The following DNMBP variants were observed in gnomAD, a reference collection of about 807,000 sequenced individuals.
The protein encoded by DNMBP is dynamin binding protein, also known as dynamin-binding protein.
In DNMBP, 87 loss-of-function variants were observed where a neutral mutation model predicts 150.0. The observed-to-expected ratio is 0.58, with a 90% CI of 0.49 to 0.69. The LOEUF (loss-of-function observed/expected upper bound fraction) is 0.69, where lower values mean the gene tolerates loss of function less well. Among genes scored for constraint, DNMBP ranks in the 30% least tolerant of loss-of-function variants. The pLI, the probability that DNMBP is intolerant of heterozygous loss-of-function variation, is 0.00. For missense variants in DNMBP, 1,774 were observed against 1,949.0 expected (o/e 0.91, Z 1.69); for synonymous variants, 711 against 750.4 (o/e 0.95, Z 0.86).
intron 6 of DNMBP, among the ~76,000 whole-genome samples, chr10:99,904,209 C>G (rs1304884928): frequency 2.6e-5 from 4 of 152,026 alleles, no homozygotes; most frequent in Admixed American, 2.0e-4. Flanking sequence ...GAGCTGTGAT[C>G]ACACTGCTAC....
intron 1 of DNMBP, among the ~76,000 whole-genome samples, chr10:99,996,978 A>G (rs942956235): frequency 6.6e-6 from 1 of 152,052 alleles, no homozygotes; most frequent in Non-Finnish European, 1.5e-5. Flanking sequence ...AGCAAAAAGA[A>G]CAAGTAATTA....
In DNMBP at chr10:99,884,176, C is replaced by G. The variant is rs370574450; in HGVS notation, c.3832G>C (p.Ala1278Pro). 8.7e-6 allele frequency: 14 copies of G among 1,613,682 alleles called. No individual in the cohort carries two copies. The African/African-American group carries it at 1.6e-4, about 18-fold the overall frequency. Residue 1278 changes from alanine (A) to proline (P), a missense_variant, in exon 15 of 17, where the codon GCC (alanine) becomes CCC (proline). Coordinates refer to ENST00000324109, the MANE Select transcript of DNMBP (RefSeq NM_015221.4). Reference sequence around the variant, plus strand: ...GGGGGATACCTGGCCAGGAGGGAGGCCCGGAGTTCTTCTGACTGTAGCATG... The same window carrying G: ...GGGGGATACCTGGCCAGGAGGGAGGGCCGGAGTTCTTCTGACTGTAGCATG... ...SYMLQSEELR[A>P]SLLARYPPEK...
At chr10:100,001,587 T>C (rs1036068483) in intron 1 of DNMBP, among the ~76,000 whole-genome samples, 1 of 148,462 alleles carries the variant, frequency 6.7e-6, no homozygotes, top group Non-Finnish European at 1.5e-5. Flanking sequence ...AGTTTTTGTA[T>C]TTTTTGGTAG....
intron 4 of DNMBP, among the ~76,000 whole-genome samples, chr10:99,949,358 T>C (rs916187352): frequency 6.6e-6 from 1 of 152,202 alleles, no homozygotes; most frequent in Admixed American, 6.5e-5. Flanking sequence ...TTGATCAGAA[T>C]TAGATAAATG....
rs71009796 is a variant in DNMBP, at chr10:99,990,852, C to CATAT, written c.-10-18722_-10-18719dup. On this transcript the variant is annotated intron_variant, in intron 1 of 16. Transcript: ENST00000324109. Reference sequence around the variant, plus strand: ...ATATACATATACACACACACACACACATATATATATATATATATAGCTTTT... The same window carrying CATAT: ...ATATACATATACACACACACACACACATATATATATATATATATATATAGCTTTT... 1.2e-3 allele frequency among the ~76,000 whole-genome samples: 174 copies of CATAT among 144,796 alleles called. 1 individual carries two copies. Among genetic ancestry groups the CATAT allele is most frequent in the African/African-American group, 4.2e-3 (168 of 39,666 alleles). 95.0% of individuals were successfully genotyped at this position (144,796 alleles called of 152,430 possible). A position where few individuals can be genotyped will look rare whatever the true frequency, so the allele number is the denominator to read the frequency against.
chr10:99,975,279 C>A (rs1263890203), intron 1 of DNMBP, among the ~76,000 whole-genome samples: 1 of 151,878 alleles, frequency 6.6e-6, no homozygotes, highest in Non-Finnish European at 1.5e-5. Context: ...AGAATCACTT[C>A]AACCCAGGAG....
Position 99,970,971 on chromosome 10 carries a change from C to CAAAAAAAAAAAAAAAAAAAAAAA in DNMBP, c.145+986_145+1008dup, listed in dbSNP as rs532226561. Among the ~76,000 whole-genome samples, 93 of 33,196 alleles carry CAAAAAAAAAAAAAAAAAAAAAAA rather than the reference C, an allele frequency of 2.8e-3. 24 individuals are homozygous for CAAAAAAAAAAAAAAAAAAAAAAA. Among genetic ancestry groups the CAAAAAAAAAAAAAAAAAAAAAAA allele is most frequent in the Admixed American group, 6.5e-3 (12 of 1,846 alleles). 21.8% of individuals were successfully genotyped at this position (33,196 alleles called of 152,430 possible). On this transcript the variant is annotated intron_variant, in intron 2 of 16. Transcript: ENST00000324109. The stretch of plus-strand genomic sequence containing the variant: ...TGGGCAACAGAGCAAGACTCCGTCT[C>CAAAAAAAAAAAAAAAAAAAAAAA]AAAAAAAAAAAAAAAAAAAAAAAAA...
At chr10:99,970,043 C>A (rs1056997062) in intron 2 of DNMBP, among the ~76,000 whole-genome samples, 1 of 152,202 alleles carries the variant, frequency 6.6e-6, no homozygotes, top group African/African-American at 2.4e-5. Flanking sequence ...CTCCAGCCCA[C>A]CTTTCTCCCT....
intron 1 of DNMBP, among the ~76,000 whole-genome samples, chr10:100,006,316 C>G (rs2133395805): frequency 6.6e-6 from 1 of 152,334 alleles, no homozygotes; most frequent in Non-Finnish European, 1.5e-5. Context: ...CTTTCAGAAC[C>G]TCTTCCCACG....
intron 4 of DNMBP, among the ~76,000 whole-genome samples, chr10:99,909,932 A>T (rs2039879973): frequency 6.6e-6 from 1 of 152,254 alleles, no homozygotes; most frequent in Non-Finnish European, 1.5e-5. Context: ...TTAGATACAC[A>T]GGATGAGAGA....
intron 1 of DNMBP, among the ~76,000 whole-genome samples, chr10:100,004,591 T>C (rs1454863325): frequency 1.3e-5 from 2 of 152,072 alleles, no homozygotes; most frequent in Non-Finnish European, 2.9e-5. Context: ...AAAAACTGGG[T>C]CATTAAATGG....
At chr10:99,893,966 CT>C (rs199893285) in intron 11 of DNMBP, among the ~76,000 whole-genome samples, 1 of 151,576 alleles carries the variant, frequency 6.6e-6, no homozygotes, top group East Asian at 1.9e-4. Context: ...AGTTTAAAAA[CT>C]TTTTTTTTAA....
intron 15 of DNMBP, among the ~76,000 whole-genome samples, chr10:99,880,571 G>A (rs1292232919): frequency 6.6e-6 from 1 of 152,212 alleles, no homozygotes; most frequent in African/African-American, 2.4e-5. Context: ...AGGATGTGAT[G>A]TGTGTAGGTA....
chr10:100,005,782 AAACC>A (rs2041063574), intron 1 of DNMBP, among the ~76,000 whole-genome samples: 3 of 133,136 alleles, frequency 2.3e-5, no homozygotes, highest in South Asian at 4.6e-4. Context: ...AAAAAAAAAA[AAACC>A]AAACTACATA....
chr10:99,898,013 G>C, intron 9 of DNMBP, 73 bp downstream of exon 9: 1 of 1,339,470 alleles, frequency 7.5e-7, no homozygotes, highest in Non-Finnish European at 1.1e-6. Context: ...CTCTAGCGAA[G>C]TAATGAATTG....
At chr10:99,993,335 G>A (rs769149439) in intron 1 of DNMBP, among the ~76,000 whole-genome samples, 3 of 152,078 alleles carry the variant, frequency 2.0e-5, no homozygotes, top group African/African-American at 4.8e-5. Context: ...TTCTTTTGGG[G>A]GTAATGAAAA....
chr10:99,893,039 A>G (rs1237930447), intron 11 of DNMBP, among the ~76,000 whole-genome samples: 1 of 152,260 alleles, frequency 6.6e-6, no homozygotes, highest in African/African-American at 2.4e-5. Flanking sequence ...ATATAATGAT[A>G]TAGACATATA....
intron 16 of DNMBP, among the ~76,000 whole-genome samples, chr10:99,878,345 C>T (rs1482655187): frequency 6.6e-6 from 1 of 152,190 alleles, no homozygotes; most frequent in Non-Finnish European, 1.5e-5. Context: ...GGACACGTGC[C>T]CCAAGGGCTG....
At position 99,877,225 on chromosome 10, in the gene DNMBP, ACT is replaced by A; in HGVS notation, c.4658_4659del (p.Glu1553ValfsTer5). ...TTCCCGTTAACCTCAGCTAACCACC[ACT>A]CTGTATTTCCTGTAACATCTTTAAA... The part of the protein sequence containing the change: ...LEFKDVTGNT[E>X]WWLAEVNGKK... On this transcript the variant is annotated frameshift_variant, in exon 17 of 17. Transcript: ENST00000324109. LOFTEE classifies it high-confidence loss of function. 6.2e-7 allele frequency: 1 copy of A among 1,613,642 alleles called. No individual in the cohort carries two copies. Among genetic ancestry groups the A allele is most frequent in the Non-Finnish European group, 8.5e-7 (1 of 1,179,886 alleles).
Sources: allele counts gnomAD v4.1 joint callset (sites outside exome capture counted in the v4.1 genomes callset), GRCh38; gene constraint gnomAD v4.1.1; transcripts MANE v1.5; gene names NCBI Gene and HGNC (gene_info 2026-07-23, HGNC 2026-07-21).